MUCL1: variants seen among roughly 807,000 people sequenced by gnomAD.
MUCL1 encodes the protein mucin like 1, also known as mucin-like protein 1.
In MUCL1, 11 loss-of-function variants were observed where a neutral mutation model predicts 9.2. That is an observed-to-expected ratio of 1.19 (90% CI 0.75 to 1.97). The LOEUF is 1.97. MUCL1 is among the 30% of genes most tolerant of loss of function. The pLI, the probability that MUCL1 is intolerant of heterozygous loss-of-function variation, is 0.00. For missense variants in MUCL1, 144 were observed against 110.9 expected, an observed-to-expected ratio of 1.30 and a Z score of -1.34; for synonymous variants, 48 against 40.5, an observed-to-expected ratio of 1.19 and a Z score of -0.71.
chr12:54,833,380 C>T (rs1409096065), intron 1 of MUCL1, among the ~76,000 whole-genome samples: 1 of 151,856 alleles, frequency 6.6e-6, no homozygotes, highest in East Asian at 1.9e-4. Flanking sequence ...AGATGAGATC[C>T]ACATATCTTT....
At chr12:54,835,623 G>C (rs1344569652), upstream of MUCL1, among the ~76,000 whole-genome samples, 1 of 144,674 alleles carries the variant, frequency 6.9e-6, no homozygotes, top group Non-Finnish European at 1.5e-5. Context: ...TTTTTTTTCT[G>C]GCTGATTTGT....
chr12:54,846,188 A>G (rs1959251535), intron 1 of MUCL1, among the ~76,000 whole-genome samples: 1 of 152,174 alleles, frequency 6.6e-6, no homozygotes, highest in Non-Finnish European at 1.5e-5. Flanking sequence ...GAGCTGGTTA[A>G]CACAAGCCGT....
At chr12:54,853,393 A>G (rs1868270545), upstream of MUCL1, among the ~76,000 whole-genome samples, 2 of 152,164 alleles carry the variant, frequency 1.3e-5, no homozygotes, top group African/African-American at 4.8e-5. Context: ...ACAAAGGGCA[A>G]GTAGATTGAT....
At chr12:54,842,768 T>C (rs1015837306) in intron 1 of MUCL1, among the ~76,000 whole-genome samples, 3 of 152,200 alleles carry the variant, frequency 2.0e-5, no homozygotes, top group Non-Finnish European at 4.4e-5. Context: ...TCATAATTTC[T>C]TTCTATTCAT....
chr12:54,852,356 A>G (rs545822822), upstream of MUCL1, among the ~76,000 whole-genome samples: 7 of 152,338 alleles, frequency 4.6e-5, no homozygotes, highest in South Asian at 8.3e-4. Flanking sequence ...AATGCCACAC[A>G]TCTACAACCA....
At chr12:54,835,100 G>A (rs972606588), upstream of MUCL1, among the ~76,000 whole-genome samples, 1 of 152,104 alleles carries the variant, frequency 6.6e-6, no homozygotes, top group Admixed American at 6.6e-5. Context: ...TCTCTTTTAT[G>A]GCTGAGTAGT....
At chr12:54,841,733 T>A (rs778909185) in intron 1 of MUCL1, among the ~76,000 whole-genome samples, 2 of 152,236 alleles carry the variant, frequency 1.3e-5, no homozygotes, top group Admixed American at 1.3e-4. Context: ...TAACCCTTTA[T>A]CAGATATCTG....
exon 1 of MUCL1, chr12:54,839,403 G>A (rs1959200153): frequency 1.4e-6 from 1 of 701,978 alleles, no homozygotes; most frequent in Admixed American, 2.0e-5. Flanking sequence ...CTTCTGGCCA[G>A]TATGGGAGGT....
upstream of MUCL1, among the ~76,000 whole-genome samples, chr12:54,852,389 G>A (rs10783683): frequency 0.45 from 68,599 of 151,962 alleles, 16,480 homozygotes; most frequent in East Asian, 0.84. Flanking sequence ...GAAACCTGAC[G>A]AAAACAAGCA....
chr12:54,838,550 C>T (rs1300803427), upstream of MUCL1, among the ~76,000 whole-genome samples: 1 of 152,158 alleles, frequency 6.6e-6, no homozygotes, highest in African/African-American at 2.4e-5. Flanking sequence ...TTTCTTCTCC[C>T]TCAGGAGCAC....
At chr12:54,843,354 A>G (rs906075563) in intron 1 of MUCL1, among the ~76,000 whole-genome samples, 5 of 152,206 alleles carry the variant, frequency 3.3e-5, no homozygotes, top group African/African-American at 7.2e-5. Flanking sequence ...GTTTTTCTGC[A>G]TCAGTTAAGA....
Position 54,858,279 on chromosome 12 carries a change from A to T in MUCL1, c.*37A>T. On this transcript the variant is annotated 3_prime_UTR_variant, in exon 4 of 4. Coordinates refer to ENST00000308796, the MANE Select transcript of MUCL1 (RefSeq NM_058173.3). Reference sequence around the variant, plus strand: ...CTTGAGTCTTCTGCAATTGGTCACAACTATTCATGCTTCCTGTGATTTCAT... The same window carrying T: ...CTTGAGTCTTCTGCAATTGGTCACATCTATTCATGCTTCCTGTGATTTCAT... 1 of 1,611,904 alleles carries T rather than the reference A, an allele frequency of 6.2e-7. No individual in the cohort carries two copies. Among genetic ancestry groups the T allele is most frequent in the Non-Finnish European group, 8.5e-7 (1 of 1,178,178 alleles).
At chr12:54,845,514 C>G (rs1399370311) in intron 1 of MUCL1, among the ~76,000 whole-genome samples, 1 of 151,712 alleles carries the variant, frequency 6.6e-6, no homozygotes, top group African/African-American at 2.4e-5. Context: ...AACAAGGCAC[C>G]CTTCACTTCA....
chr12:54,838,777 G>A (rs143612494), upstream of MUCL1, among the ~76,000 whole-genome samples: 145 of 151,824 alleles, frequency 9.6e-4, 1 homozygote, highest in East Asian at 8.7e-3. Flanking sequence ...GTTCTGATTC[G>A]TTTTTCTTTA....
intron 3 of MUCL1, among the ~76,000 whole-genome samples, chr12:54,857,884 C>A (rs1868312599): frequency 6.6e-6 from 1 of 152,108 alleles, no homozygotes; most frequent in African/African-American, 2.4e-5. Flanking sequence ...GAGAAAATGG[C>A]TTTTCTCTCT....
upstream of MUCL1, among the ~76,000 whole-genome samples, chr12:54,835,262 G>A (rs376680756): frequency 2.6e-5 from 4 of 151,974 alleles, no homozygotes; most frequent in African/African-American, 9.7e-5. Context: ...TTTCCTTTAG[G>A]TAGATAGCCA....
At chr12:54,850,113 T>G (rs560565937), upstream of MUCL1, among the ~76,000 whole-genome samples, 16 of 152,326 alleles carry the variant, frequency 1.1e-4, no homozygotes, top group African/African-American at 3.8e-4. Flanking sequence ...CTTCCTTGGA[T>G]AGTCTCCCTC....
chr12:54,854,989 CA>C, intron 1 of MUCL1, 126 bp from the exon 2 acceptor site: 1 of 765,674 alleles, frequency 1.3e-6, no homozygotes, highest in Non-Finnish European at 2.2e-6. Context: ...TGTTCTTCCT[CA>C]ACTGGTACAC....
At chr12:54,845,145 C>T (rs1247256060) in intron 1 of MUCL1, among the ~76,000 whole-genome samples, 1 of 152,190 alleles carries the variant, frequency 6.6e-6, no homozygotes, top group Non-Finnish European at 1.5e-5. Context: ...TTCTTTGCAG[C>T]TTGAACTACC....
Sources: gnomAD v4.1 joint callset for allele counts (sites outside exome capture counted in the v4.1 genomes callset) on GRCh38, gnomAD v4.1.1 for gene constraint, MANE v1.5 for transcripts, NCBI Gene and HGNC (gene_info 2026-07-23, HGNC 2026-07-21) for gene names.